Variants in SMG6 observed in about 807,000 individuals in gnomAD.
SMG6 encodes the protein SMG6 nonsense mediated mRNA decay factor.
Under a neutral mutation model 142.2 loss-of-function variants are expected in SMG6, and 66 were observed. The ratio of observed to expected loss-of-function variants is 0.46; its 90% CI spans 0.38 to 0.57. SMG6 has a LOEUF of 0.57. Ranked by LOEUF, SMG6 falls within the 20% of genes least tolerant of loss-of-function variation. The pLI, the probability that SMG6 is intolerant of heterozygous loss-of-function variation, is 0.00. For synonymous variants in SMG6, 779 were observed against 702.4 expected (o/e 1.11, Z -1.72); for missense variants, 1,793 against 1,832.0 (o/e 0.98, Z 0.39).
At position 2,113,482 on chromosome 17, in the gene SMG6, G is replaced by A. The variant is rs143397476; in HGVS notation, c.3358-27581C>T. Among the ~76,000 whole-genome samples, 16 of 152,296 alleles carry A rather than the reference G, an allele frequency of 1.1e-4. No homozygotes were observed. The East Asian group carries it at 3.1e-3, about 29-fold the overall frequency. Reference sequence around the variant, plus strand: ...AGCACACATCCCTGCTCTCCAGCTGGGTCTTGAACAAAGCCGGCTTGGGAA... The same window carrying A: ...AGCACACATCCCTGCTCTCCAGCTGAGTCTTGAACAAAGCCGGCTTGGGAA... On this transcript the variant is annotated intron_variant, in intron 13 of 18. Coordinates refer to ENST00000263073, the MANE Select transcript of SMG6 (RefSeq NM_017575.5).
intron 12 of SMG6, among the ~76,000 whole-genome samples, chr17:2,183,804 C>T (rs185857467): frequency 2.0e-5 from 3 of 149,500 alleles, no homozygotes; most frequent in East Asian, 3.9e-4. Context: ...CAGAGGCAGA[C>T]GAAAGCAGAG....
In SMG6 at chr17:2,216,680, A is replaced by C. The variant is rs2073029922; in HGVS notation, c.2869+19812T>G. On this transcript the variant is annotated intron_variant, in intron 10 of 18. Transcript: ENST00000263073. Reference sequence around the variant, plus strand: ...AAATTTCTGGCCCTTTTTTGTGAGAATAAGCATCTAATTTTGGAGTTAGCC... The same window carrying C: ...AAATTTCTGGCCCTTTTTTGTGAGACTAAGCATCTAATTTTGGAGTTAGCC... Among the ~76,000 whole-genome samples the C allele has an allele frequency of 3.3e-5, 5 of 152,358 alleles. No individual in the cohort carries two copies. In the South Asian group the frequency reaches 1.0e-3, roughly 32 times the overall value.
intron 13 of SMG6, among the ~76,000 whole-genome samples, chr17:2,095,633 C>T (rs534835851): frequency 8.5e-5 from 13 of 152,244 alleles, no homozygotes; most frequent in East Asian, 3.9e-4. Flanking sequence ...CAAGAGAGCA[C>T]GCGCCCCTCC....
chr17:2,066,953 G>A (rs2067970160), intron 16 of SMG6, among the ~76,000 whole-genome samples: 1 of 152,242 alleles, frequency 6.6e-6, no homozygotes, highest in African/African-American at 2.4e-5. Flanking sequence ...AAGAGCACCA[G>A]AAACAAGAAG....
rs866566302 is a variant in SMG6 at position 2,061,618 on chromosome 17, C to T, written c.4134G>A (p.Glu1378=). 1.3e-6 allele frequency: 2 copies of T among 1,571,252 alleles called. No homozygotes were observed. The highest frequency in any genetic ancestry group is 1.2e-5 in the South Asian group (1 of 85,754). ...AKDFMPASKE[E]PIRLLREVVL... Reference sequence around the variant, plus strand: ...CCACCTCCCGCAGTAGCCGGATTGGCTCCTCTGTGGGCATGAGAGAGCAGA... The same window carrying T: ...CCACCTCCCGCAGTAGCCGGATTGGTTCCTCTGTGGGCATGAGAGAGCAGA... Residue 1378 remains glutamate (E), a synonymous_variant, in exon 19 of 19, where the codon GAG becomes GAA. Coordinates refer to ENST00000263073, the MANE Select transcript of SMG6 (RefSeq NM_017575.5).
chr17:2,088,681 C>T (rs2151441961), intron 13 of SMG6: 1 of 985,424 alleles, frequency 1.0e-6, no homozygotes, highest in East Asian at 1.1e-4. Flanking sequence ...ATGGTCAAAG[C>T]TGTGTAAAGT....
chr17:2,206,285 GTT>G (rs968904041), intron 10 of SMG6, among the ~76,000 whole-genome samples: 10 of 149,542 alleles, frequency 6.7e-5, no homozygotes, highest in Non-Finnish European at 1.3e-4. Flanking sequence ...GATACATGGT[GTT>G]TTAAGAAGCT....
intron 15 of SMG6, among the ~76,000 whole-genome samples, chr17:2,077,645 C>T (rs929295253): frequency 6.6e-6 from 1 of 152,138 alleles, no homozygotes; most frequent in Non-Finnish European, 1.5e-5. Flanking sequence ...CACAGCAGCT[C>T]TAATATTGGT....
At chr17:2,072,910 T>C (rs776398157) in intron 15 of SMG6, 1 of 152,234 alleles carries the variant, frequency 6.6e-6, no homozygotes, top group African/African-American at 2.4e-5. Context: ...CCTAGCAAAG[T>C]GCCTGACACA....
At chr17:2,128,415 T>C (rs2069976971) in intron 13 of SMG6, among the ~76,000 whole-genome samples, 1 of 152,212 alleles carries the variant, frequency 6.6e-6, no homozygotes, top group South Asian at 2.1e-4. Flanking sequence ...AGTAGAACAC[T>C]TTCCCCACTG....
intron 13 of SMG6, among the ~76,000 whole-genome samples, chr17:2,147,803 G>C (rs773812881): frequency 6.6e-6 from 1 of 152,178 alleles, no homozygotes; most frequent in Non-Finnish European, 1.5e-5. Flanking sequence ...CAAAAGTATT[G>C]TGAGAATGTG....
intron 1 of SMG6, 138 bp from the exon 2 acceptor site, chr17:2,300,802 T>A: frequency 1.3e-6 from 1 of 746,390 alleles, no homozygotes; most frequent in Non-Finnish European, 2.1e-6. Flanking sequence ...CTAATACTGG[T>A]AGGCAAAGAA....
At chr17:2,072,967 C>G (rs556949423) in intron 15 of SMG6, 1 of 152,336 alleles carries the variant, frequency 6.6e-6, no homozygotes, top group Non-Finnish European at 1.5e-5. Context: ...CTTCCTAACT[C>G]TATTTTTTAT....
chr17:2,155,952 C>G (rs1312206374), intron 13 of SMG6, among the ~76,000 whole-genome samples: 2 of 152,018 alleles, frequency 1.3e-5, no homozygotes, highest in Admixed American at 6.6e-5. Flanking sequence ...AGCCAAAAAC[C>G]TGAAAATGTG....
At chr17:2,218,170 A>G (rs962453766) in intron 10 of SMG6, among the ~76,000 whole-genome samples, 6 of 152,174 alleles carry the variant, frequency 3.9e-5, no homozygotes, top group Non-Finnish European at 8.8e-5. Context: ...GGTTTAATCC[A>G]AGAGCTTTTA....
chr17:2,133,796 CTT>C (rs1334455057), intron 13 of SMG6, among the ~76,000 whole-genome samples: 6 of 152,186 alleles, frequency 3.9e-5, no homozygotes, highest in African/African-American at 9.6e-5. Context: ...GTAAATAGAA[CTT>C]TTACGTAAAA....
chr17:2,081,545 G>C (rs796972646), intron 15 of SMG6, among the ~76,000 whole-genome samples: 1 of 152,240 alleles, frequency 6.6e-6, no homozygotes, highest in African/African-American at 2.4e-5. Flanking sequence ...GTGTGCATTT[G>C]GAGATTCTCA....
chr17:2,222,204 A>G (rs1382242221), intron 10 of SMG6, among the ~76,000 whole-genome samples: 1 of 152,158 alleles, frequency 6.6e-6, no homozygotes, highest in Non-Finnish European at 1.5e-5. Context: ...AATAAATAAT[A>G]AACATATACA....
At chr17:2,145,219 T>C (rs1183187733) in intron 13 of SMG6, among the ~76,000 whole-genome samples, 1 of 152,062 alleles carries the variant, frequency 6.6e-6, no homozygotes, top group Non-Finnish European at 1.5e-5. Flanking sequence ...GTTCAAGCGA[T>C]TCTCATGCTT....
Sources: allele counts gnomAD v4.1 joint callset (sites outside exome capture counted in the v4.1 genomes callset), GRCh38; gene constraint gnomAD v4.1.1; transcripts MANE v1.5; gene names NCBI Gene and HGNC (gene_info 2026-07-23, HGNC 2026-07-21).